Variants in GALNTL6 observed in about 807,000 individuals in gnomAD.
GALNTL6 encodes polypeptide N-acetylgalactosaminyltransferase-like 6.
A neutral mutation model predicts 73.7 loss-of-function variants in GALNTL6; 46 were observed. The ratio of observed to expected loss-of-function variants is 0.62; its 90% CI spans 0.49 to 0.80. The LOEUF (loss-of-function observed/expected upper bound fraction) is 0.80, where lower values mean the gene tolerates loss of function less well. Ranked by LOEUF, GALNTL6 falls within the 30% of genes least tolerant of loss-of-function variation. GALNTL6 has a pLI of 0.00. For missense variants in GALNTL6, 604 were observed against 755.0 expected, an observed-to-expected ratio of 0.80 and a Z score of 2.34; for synonymous variants, 259 against 263.7, an observed-to-expected ratio of 0.98 and a Z score of 0.17.
chr4:172,488,695 A>G (rs1158733181), intron 5 of GALNTL6, among the ~76,000 whole-genome samples: 1 of 152,136 alleles, frequency 6.6e-6, no homozygotes, highest in Non-Finnish European at 1.5e-5. Context: ...TATATGACCT[A>G]GATTCAATTC....
chr4:172,091,644 C>T (rs1732205339), intron 2 of GALNTL6, among the ~76,000 whole-genome samples: 1 of 152,044 alleles, frequency 6.6e-6, no homozygotes. Context: ...TCAATTATGT[C>T]CTCTTATAAT....
intron 8 of GALNTL6, among the ~76,000 whole-genome samples, chr4:172,901,535 A>G (rs992410869): frequency 2.0e-5 from 3 of 152,196 alleles, no homozygotes; most frequent in Non-Finnish European, 4.4e-5. Context: ...GCCATAATAT[A>G]GAAATTAAGT....
intron 12 of GALNTL6, among the ~76,000 whole-genome samples, chr4:173,032,969 AG>A (rs1753533013): frequency 6.6e-6 from 1 of 152,128 alleles, no homozygotes; most frequent in Non-Finnish European, 1.5e-5. Flanking sequence ...ACTCACACCA[AG>A]GGGCTCTGTC....
intron 2 of GALNTL6, among the ~76,000 whole-genome samples, chr4:172,115,089 T>A (rs1255246171): frequency 4.6e-5 from 7 of 152,130 alleles, no homozygotes; most frequent in Non-Finnish European, 1.0e-4. Context: ...GAGCTCTATA[T>A]CCTTCCTTTC....
intron 5 of GALNTL6, among the ~76,000 whole-genome samples, chr4:172,495,810 C>G (rs2110760780): frequency 6.6e-6 from 1 of 152,230 alleles, no homozygotes; most frequent in African/African-American, 2.4e-5. Context: ...CATCTGCAAA[C>G]CACATTTTGA....
intron 5 of GALNTL6, among the ~76,000 whole-genome samples, chr4:172,402,494 C>G (rs560678733): frequency 1.3e-5 from 2 of 152,002 alleles, no homozygotes; most frequent in African/African-American, 4.8e-5. Flanking sequence ...ATTACTGGAA[C>G]GGTGAAGGAT....
intron 2 of GALNTL6, among the ~76,000 whole-genome samples, chr4:172,217,566 AT>A (rs1367297113): frequency 1.3e-5 from 2 of 152,170 alleles, no homozygotes; most frequent in Non-Finnish European, 2.9e-5. Context: ...CATCAAAATA[AT>A]TCTTCATTTC....
intron 2 of GALNTL6, among the ~76,000 whole-genome samples, chr4:172,210,544 T>C (rs1226045970): frequency 1.3e-5 from 2 of 152,106 alleles, no homozygotes; most frequent in African/African-American, 4.8e-5. Context: ...TTTCTGATGA[T>C]TAGATGGGAT....
At chr4:172,380,250 C>T in intron 5 of GALNTL6, 1 of 883,294 alleles carries the variant, frequency 1.1e-6, no homozygotes, top group Non-Finnish European at 1.9e-6. Context: ...AACTTGTCTA[C>T]ATTAGGATGA....
intron 7 of GALNTL6, among the ~76,000 whole-genome samples, chr4:172,837,009 A>G (rs1560984546): frequency 6.6e-6 from 1 of 152,204 alleles, no homozygotes. Flanking sequence ...ACTTTTACCA[A>G]TTATCAAAAC....
chr4:172,650,756 CA>C (rs1022099977), intron 5 of GALNTL6, among the ~76,000 whole-genome samples: 1 of 151,192 alleles, frequency 6.6e-6, no homozygotes, highest in African/African-American at 2.4e-5. Flanking sequence ...ACAGTATTTC[CA>C]AAAAAGAAAA....
intron 2 of GALNTL6, among the ~76,000 whole-genome samples, chr4:172,114,537 C>T: frequency 6.6e-6 from 1 of 152,064 alleles, no homozygotes; most frequent in East Asian, 1.9e-4. Context: ...ACTCAGCAAG[C>T]TCTACTGTAT....
intron 5 of GALNTL6, among the ~76,000 whole-genome samples, chr4:172,386,342 G>A (rs946886339): frequency 6.6e-6 from 1 of 152,072 alleles, no homozygotes; most frequent in African/African-American, 2.4e-5. Flanking sequence ...GTCTGGTAAG[G>A]ACACTTTCCC....
At chr4:172,359,216 A>T (rs1217428730) in intron 5 of GALNTL6, among the ~76,000 whole-genome samples, 1 of 152,198 alleles carries the variant, frequency 6.6e-6, no homozygotes, top group Non-Finnish European at 1.5e-5. Context: ...AAAGAATGAG[A>T]TCATATTCTT....
intron 5 of GALNTL6, among the ~76,000 whole-genome samples, chr4:172,512,720 C>A (rs1012224944): frequency 6.6e-6 from 1 of 152,034 alleles, no homozygotes; most frequent in East Asian, 1.9e-4. Flanking sequence ...TAGCTGGATA[C>A]CAAACTCTTG....
At chr4:173,024,872 C>T (rs1753169911) in intron 12 of GALNTL6, among the ~76,000 whole-genome samples, 1 of 152,302 alleles carries the variant, frequency 6.6e-6, no homozygotes, top group East Asian at 1.9e-4. Context: ...AGCCACCGTG[C>T]CCAGCCTGGA....
intron 8 of GALNTL6, among the ~76,000 whole-genome samples, chr4:172,910,203 C>A (rs181610043): frequency 1.3e-5 from 2 of 152,096 alleles, no homozygotes; most frequent in South Asian, 4.2e-4. Context: ...AAATATTTGT[C>A]GAAAGCCTAT....
At chr4:172,512,820 C>T (rs1200909692) in intron 5 of GALNTL6, among the ~76,000 whole-genome samples, 1 of 152,194 alleles carries the variant, frequency 6.6e-6, no homozygotes, top group Non-Finnish European at 1.5e-5. Context: ...TGCCGTTAAT[C>T]TGATAGGTTT....
chr4:172,733,238 A>T (rs1736258690), intron 5 of GALNTL6, among the ~76,000 whole-genome samples: 1 of 152,152 alleles, frequency 6.6e-6, no homozygotes, highest in African/African-American at 2.4e-5. Flanking sequence ...ACACTTTGAA[A>T]ATATTGTTCT....
Sources: gnomAD v4.1 joint callset for allele counts (sites outside exome capture counted in the v4.1 genomes callset) on GRCh38, gnomAD v4.1.1 for gene constraint, MANE v1.5 for transcripts, NCBI Gene and HGNC (gene_info 2026-07-23, HGNC 2026-07-21) for gene names.